The following ALDH1L2 variants were observed in gnomAD, a reference collection of about 807,000 sequenced individuals.
ALDH1L2 encodes the protein aldehyde dehydrogenase 1 family member L2.
In ALDH1L2, 91 loss-of-function variants were observed where a neutral mutation model predicts 111.0. The ratio of observed to expected loss-of-function variants is 0.82; its 90% CI spans 0.69 to 0.98. The LOEUF is 0.98. Ranked by LOEUF, ALDH1L2 falls within the 50% of genes least tolerant of loss-of-function variation. The pLI, the probability that ALDH1L2 is intolerant of heterozygous loss-of-function variation, is 0.00. For missense variants in ALDH1L2, 995 were observed against 1,126.8 expected (o/e 0.88, Z 1.67); for synonymous variants, 374 against 392.6 (o/e 0.95, Z 0.56).
Position 105,039,765 on chromosome 12 carries a change from G to A in ALDH1L2, c.1993C>T (p.Arg665Cys), listed in dbSNP as rs760831270. The change falls in exon 17 of 23, where the codon CGC (arginine) becomes TGC (cysteine). Residue 665 changes from arginine (R) to cysteine (C), a missense_variant. Physicochemically the swap from Arg to Cys is radical, Grantham distance 180 (BLOSUM62 -3). Coordinates refer to ENST00000258494, the MANE Select transcript of ALDH1L2 (RefSeq NM_001034173.4). ...GTGGATCCAGTGAAACCAAGTTTGC[G>A]GATGTCAGGATGTTCAGACAGACGT... ...GQRLSEHPDIRKLGFTGSTPI... is the reference protein window; with the variant it reads ...GQRLSEHPDICKLGFTGSTPI... The A allele has an allele frequency of 1.4e-5, 22 of 1,613,988 alleles. No homozygotes were observed. In the South Asian group the frequency reaches 1.8e-4, roughly 13 times the overall value.
intron 1 of ALDH1L2, among the ~76,000 whole-genome samples, chr12:105,078,414 G>A (rs147217668): frequency 2.4e-3 from 371 of 152,204 alleles, no homozygotes; most frequent in African/African-American, 8.5e-3. Flanking sequence ...AGCTGAGATC[G>A]CGCCATTGCA....
intron 9 of ALDH1L2, among the ~76,000 whole-genome samples, chr12:105,060,252 A>C (rs1297029135): frequency 6.6e-6 from 1 of 152,180 alleles, no homozygotes; most frequent in African/African-American, 2.4e-5. Context: ...AATATTATTA[A>C]TATCAGGTGT....
chr12:105,078,584 C>G lies in ALDH1L2; in HGVS notation c.49-4579G>C, dbSNP rs181792439. Among the ~76,000 whole-genome samples, 256 of 152,310 alleles carry G rather than the reference C, an allele frequency of 1.7e-3. 1 individual carries two copies. Among genetic ancestry groups the G allele is most frequent in the African/African-American group, 5.7e-3 (235 of 41,570 alleles). The stretch of plus-strand genomic sequence containing the variant: ...CCTAGACATGGTCTTGCCCTCTATG[C>G]AGCTCAAATCTCTCATTTGCTTTAC... On this transcript the variant is annotated intron_variant, in intron 1 of 22. Coordinates refer to ENST00000258494, the MANE Select transcript of ALDH1L2 (RefSeq NM_001034173.4).
rs760086324 is a variant in ALDH1L2, at chr12:105,035,870, C to T, written c.2146-1472G>A. 1.4e-3 allele frequency among the ~76,000 whole-genome samples: 92 copies of T among 66,450 alleles called. 2 individuals carry two copies. Among genetic ancestry groups the T allele is most frequent in the Middle Eastern group, 8.9e-3 (1 of 112 alleles). 43.6% of individuals were successfully genotyped at this position (66,450 alleles called of 152,430 possible). A position where few individuals can be genotyped will look rare whatever the true frequency, so the allele number is the denominator to read the frequency against. Reference sequence around the variant, plus strand: ...GTGTGTGTGTGTGTGTGTGTGTATACACACACACATATATATACGTATATT... The same window carrying T: ...GTGTGTGTGTGTGTGTGTGTGTATATACACACACATATATATACGTATATT... On this transcript the variant is annotated intron_variant, in intron 18 of 22. Coordinates refer to ENST00000258494, the MANE Select transcript of ALDH1L2 (RefSeq NM_001034173.4).
intron 6 of ALDH1L2, 125 bp from the exon 7 acceptor site, chr12:105,063,147 C>T (rs944816399): frequency 2.7e-6 from 3 of 1,109,094 alleles, no homozygotes; most frequent in Non-Finnish European, 3.7e-6. Flanking sequence ...AATTGAGACA[C>T]CACAATGGGA....
intron 1 of ALDH1L2, among the ~76,000 whole-genome samples, chr12:105,080,900 G>T (rs1368998091): frequency 2.0e-5 from 3 of 152,208 alleles, no homozygotes; most frequent in Non-Finnish European, 2.9e-5. Context: ...CTCTGTATTT[G>T]TGGGTTCTGT....
chr12:105,021,437 A>C lies in ALDH1L2; in HGVS notation c.*2987T>G, dbSNP rs1353029108. On this transcript the variant is annotated 3_prime_UTR_variant, in exon 23 of 23. Coordinates refer to ENST00000258494, the MANE Select transcript of ALDH1L2 (RefSeq NM_001034173.4). The stretch of plus-strand genomic sequence containing the variant: ...ACATGGCGAAACCCCATCTCTACTT[A>C]GCCAGGTGTAGTGGCACACACCTGT... 1 of 152,314 alleles carries C rather than the reference A, an allele frequency of 6.6e-6. No individual in the cohort carries two copies. The highest frequency in any genetic ancestry group is 1.9e-4 in the East Asian group (1 of 5,194). 9.4% of individuals were successfully genotyped at this position (152,314 alleles called of 1,614,324 possible).
chr12:105,036,769 A>G (rs1198965050), intron 18 of ALDH1L2, among the ~76,000 whole-genome samples: 1 of 151,526 alleles, frequency 6.6e-6, no homozygotes, highest in Non-Finnish European at 1.5e-5. Context: ...CATTACAAAA[A>G]TATGTTGACT....
In ALDH1L2 at chr12:105,046,834, G is replaced by C; in HGVS notation, c.1758-19C>G. 6.2e-7 allele frequency: 1 copy of C among 1,613,170 alleles called. No homozygotes were observed. Among genetic ancestry groups the C allele is most frequent in the Non-Finnish European group, 8.5e-7 (1 of 1,179,190 alleles). On this transcript the variant is annotated intron_variant, in intron 14 of 22. Coordinates refer to ENST00000258494, the MANE Select transcript of ALDH1L2 (RefSeq NM_001034173.4). ...ACAGACACTGCAGGGGAAGAAATTC[G>C]ACATGCTTAGTTGTTTCAAATAACA...
chr12:105,028,449 C>A (rs750479182), intron 21 of ALDH1L2, among the ~76,000 whole-genome samples: 1 of 152,210 alleles, frequency 6.6e-6, no homozygotes, highest in African/African-American at 2.4e-5. Context: ...AGCAAAGACA[C>A]AGGATCTGTT....
In ALDH1L2 at chr12:105,038,162, C is replaced by CA; in HGVS notation, c.2085dup (p.Gly696TrpfsTer10). The CA allele has an allele frequency of 6.2e-7, 1 of 1,612,828 alleles. No homozygotes were observed. The highest frequency in any genetic ancestry group is 8.5e-7 in the Non-Finnish European group (1 of 1,179,360). On this transcript the variant is annotated frameshift_variant, in exon 18 of 23. Coordinates refer to ENST00000258494, the MANE Select transcript of ALDH1L2 (RefSeq NM_001034173.4). LOFTEE classifies it high-confidence loss of function. ...AATATTATAAGTGGAGACTTGCCAC[C>CA]AAGCTCAAGGGAAACTTTCTTCAAG...
intron 15 of ALDH1L2, among the ~76,000 whole-genome samples, chr12:105,046,171 C>A (rs1875841908): frequency 2.9e-5 from 1 of 35,000 alleles, no homozygotes; most frequent in African/African-American, 1.3e-4. Context: ...CTCTCTCTCT[C>A]TCTCTCTCTC....
At chr12:105,061,584 G>A (rs748880206) in intron 8 of ALDH1L2, 43 bp downstream of exon 8, 3 of 1,608,350 alleles carry the variant, frequency 1.9e-6, no homozygotes, top group Non-Finnish European at 2.6e-6. Flanking sequence ...ACATGCTTCA[G>A]TTTTCCAAGG....
In ALDH1L2 at chr12:105,032,550, C is replaced by T. The variant is rs1365706220; in HGVS notation, c.2245-616G>A. Among the ~76,000 whole-genome samples, 3 of 152,126 alleles carry T rather than the reference C, an allele frequency of 2.0e-5. No individual in the cohort carries two copies. The East Asian group carries it at 5.8e-4, about 29-fold the overall frequency. ...CACCGCGCCCAGCTGCAACCTCGAACTTCTAAGCTCAAGTGATCCTCCCGC... is the reference window on the plus strand; with the variant it reads ...CACCGCGCCCAGCTGCAACCTCGAATTTCTAAGCTCAAGTGATCCTCCCGC... On this transcript the variant is annotated intron_variant, in intron 19 of 22. Transcript: ENST00000258494.
At chr12:105,080,766 T>C (rs1878299561) in intron 1 of ALDH1L2, among the ~76,000 whole-genome samples, 1 of 152,196 alleles carries the variant, frequency 6.6e-6, no homozygotes, top group African/African-American at 2.4e-5. Context: ...TTGAGTGTCA[T>C]GTCAGTGCTC....
chr12:105,063,828 G>A (rs1200871146), intron 6 of ALDH1L2, among the ~76,000 whole-genome samples: 2 of 152,100 alleles, frequency 1.3e-5, no homozygotes, highest in Admixed American at 6.5e-5. Flanking sequence ...AGACACTGAC[G>A]CTGACTGCAT....
At position 105,046,766 on chromosome 12, in the gene ALDH1L2, A is replaced by G. The variant is rs1875945975; in HGVS notation, c.1807T>C (p.Trp603Arg). The change falls in exon 15 of 23, where the codon TGG becomes CGG. Residue 603 changes from tryptophan (W) to arginine (R), a missense_variant. Physicochemically the swap from Trp to Arg is moderately radical, Grantham distance 101 (BLOSUM62 -3). Transcript: ENST00000258494. The stretch of plus-strand genomic sequence containing the variant: ...GCTGCCAAACACGCAGCACTCTTCC[A>G]TGCCAGCATCATCAGCGGGTAGTTC... ...PWNYPLMMLA[W>R]KSAACLAAGN... 1 of 1,614,148 alleles carries G rather than the reference A, an allele frequency of 6.2e-7. No individual in the cohort carries two copies. Among genetic ancestry groups the G allele is most frequent in the Non-Finnish European group, 8.5e-7 (1 of 1,180,020 alleles).
At chr12:105,046,193 C>CTCTCTCTCTCTA (rs1256472590) in intron 15 of ALDH1L2, among the ~76,000 whole-genome samples, 2 of 20,182 alleles carry the variant, frequency 9.9e-5, no homozygotes, top group Non-Finnish European at 1.7e-4. Flanking sequence ...CTCTCTCTCT[C>CTCTCTCTCTCTA]TATATATATA....
At chr12:105,053,549 AT>A (rs1327079381) in intron 10 of ALDH1L2, among the ~76,000 whole-genome samples, 1 of 152,234 alleles carries the variant, frequency 6.6e-6, no homozygotes, top group Admixed American at 6.5e-5. Context: ...AATGCAAGGT[AT>A]TAAAAAGGAA....
Sources: gnomAD v4.1 joint callset for allele counts (sites outside exome capture counted in the v4.1 genomes callset) on GRCh38, gnomAD v4.1.1 for gene constraint, MANE v1.5 for transcripts, NCBI Gene and HGNC (gene_info 2026-07-23, HGNC 2026-07-21) for gene names.